Variants in PIP4K2A observed in about 807,000 individuals in gnomAD.
PIP4K2A encodes phosphatidylinositol 5-phosphate 4-kinase type-2 alpha.
PIP4K2A carries 14 observed loss-of-function variants against 42.9 expected under a neutral mutation model. The observed-to-expected ratio is 0.33, with a 90% confidence interval of 0.22 to 0.51. PIP4K2A has a LOEUF of 0.51. Among genes scored for constraint, PIP4K2A ranks in the 20% least tolerant of loss-of-function variants. The pLI, the probability that PIP4K2A is intolerant of heterozygous loss-of-function variation, is 0.97. For synonymous variants in PIP4K2A, 192 were observed against 192.2 expected, an observed-to-expected ratio of 1.00 and a Z score of 0.01; for missense variants, 434 against 519.8, an observed-to-expected ratio of 0.83 and a Z score of 1.61.
At chr10:22,603,540 T>A (rs1316040425) in intron 3 of PIP4K2A, among the ~76,000 whole-genome samples, 1 of 152,152 alleles carries the variant, frequency 6.6e-6, no homozygotes, top group Non-Finnish European at 1.5e-5. Flanking sequence ...CAAATCAAGA[T>A]GCTGGGTTTC....
intron 7 of PIP4K2A, among the ~76,000 whole-genome samples, chr10:22,544,130 C>T (rs1296160275): frequency 6.6e-6 from 1 of 152,156 alleles, no homozygotes; most frequent in Non-Finnish European, 1.5e-5. Flanking sequence ...ATCGGAGGCC[C>T]TCCACACATG....
At chr10:22,633,159 A>G (rs1261147144) in intron 1 of PIP4K2A, among the ~76,000 whole-genome samples, 1 of 152,246 alleles carries the variant, frequency 6.6e-6, no homozygotes, top group Non-Finnish European at 1.5e-5. Flanking sequence ...AGACCTTTGC[A>G]TGGCGCAGGG....
chr10:22,640,070 C>T (rs1466734374), intron 1 of PIP4K2A, among the ~76,000 whole-genome samples: 3 of 121,330 alleles, frequency 2.5e-5, no homozygotes, highest in South Asian at 5.6e-4. Flanking sequence ...AAAATCAAGA[C>T]ATCCCAAGCA....
intron 1 of PIP4K2A, among the ~76,000 whole-genome samples, chr10:22,668,480 T>C (rs557244708): frequency 2.0e-5 from 3 of 152,316 alleles, no homozygotes; most frequent in South Asian, 4.1e-4. Context: ...CTGGATCATA[T>C]TGAAATATCA....
chr10:22,610,244 C>T (rs1475838980), intron 1 of PIP4K2A, among the ~76,000 whole-genome samples: 1 of 152,156 alleles, frequency 6.6e-6, no homozygotes, highest in East Asian at 1.9e-4. Context: ...AGAAGAACCT[C>T]CATTCAGGGA....
intron 1 of PIP4K2A, among the ~76,000 whole-genome samples, chr10:22,669,111 A>G (rs1230818309): frequency 5.9e-5 from 9 of 152,214 alleles, no homozygotes; most frequent in Admixed American, 4.6e-4. Flanking sequence ...TGGCTCTGAA[A>G]TCCTTTGATA....
At chr10:22,584,243 A>G (rs180837534) in intron 4 of PIP4K2A, among the ~76,000 whole-genome samples, 29 of 152,318 alleles carry the variant, frequency 1.9e-4, no homozygotes, top group African/African-American at 6.5e-4. Flanking sequence ...ATAAATCAAG[A>G]AACTATCAGG....
chr10:22,647,910 A>G (rs1461799279), intron 1 of PIP4K2A, among the ~76,000 whole-genome samples: 1 of 152,266 alleles, frequency 6.6e-6, no homozygotes, highest in East Asian at 1.9e-4. Context: ...ATGTGTGAAA[A>G]GAAATAAGAT....
At position 22,546,011 on chromosome 10, in the gene PIP4K2A, G is replaced by C. The variant is rs535204866; in HGVS notation, c.793-3964C>G. Reference sequence around the variant, plus strand: ...CATGATTTCAAGTCTCTGAGACTGAGGTAGAAATGGGAAAAACCAAATATG... The same window carrying C: ...CATGATTTCAAGTCTCTGAGACTGACGTAGAAATGGGAAAAACCAAATATG... On this transcript the variant is annotated intron_variant, in intron 7 of 9. Transcript: ENST00000376573. 4.6e-5 allele frequency among the ~76,000 whole-genome samples: 7 copies of C among 152,278 alleles called. No homozygotes were observed. The South Asian group carries it at 1.0e-3, about 23-fold the overall frequency.
intron 1 of PIP4K2A, among the ~76,000 whole-genome samples, chr10:22,695,069 G>A (rs994483110): frequency 6.6e-6 from 1 of 152,150 alleles, no homozygotes; most frequent in Admixed American, 6.5e-5. Context: ...TATAGGACCA[G>A]ACCTTCAAAT....
chr10:22,607,834 T>C, intron 3 of PIP4K2A, 93 bp downstream of exon 3: 1 of 710,912 alleles, frequency 1.4e-6, no homozygotes, highest in Admixed American at 2.7e-5. Context: ...ATATAATACT[T>C]TTATTGACAA....
In PIP4K2A at chr10:22,645,054, T is replaced by C. The variant is rs148597662; in HGVS notation, c.145-35337A>G. 3.5e-3 allele frequency among the ~76,000 whole-genome samples: 530 copies of C among 152,324 alleles called. 3 individuals are homozygous for C. Among genetic ancestry groups the C allele is most frequent in the African/African-American group, 0.012 (510 of 41,568 alleles). ...CTAAAAGAGCAAAGAAATATTAAACTATCAGGTAGAACCAAATCACTATAA... is the reference window on the plus strand; with the variant it reads ...CTAAAAGAGCAAAGAAATATTAAACCATCAGGTAGAACCAAATCACTATAA... On this transcript the variant is annotated intron_variant, in intron 1 of 9. Coordinates refer to ENST00000376573, the MANE Select transcript of PIP4K2A (RefSeq NM_005028.5).
chr10:22,652,398 A>C (rs1839014724), intron 1 of PIP4K2A, among the ~76,000 whole-genome samples: 1 of 152,144 alleles, frequency 6.6e-6, no homozygotes, highest in African/African-American at 2.4e-5. Flanking sequence ...AGGGATTACA[A>C]GTGTGAGCCA....
intron 1 of PIP4K2A, among the ~76,000 whole-genome samples, chr10:22,701,628 C>T (rs1001576928): frequency 1.3e-5 from 2 of 152,206 alleles, no homozygotes; most frequent in African/African-American, 4.8e-5. Context: ...GTTGGATTCC[C>T]TCTTTTGAAA....
chr10:22,658,184 T>C (rs994479492), intron 1 of PIP4K2A, among the ~76,000 whole-genome samples: 3 of 152,246 alleles, frequency 2.0e-5, no homozygotes, highest in East Asian at 1.9e-4. Flanking sequence ...ACTTTGAATA[T>C]GTGGCATCAA....
chr10:22,609,389 C>G (rs747590004), intron 2 of PIP4K2A, among the ~76,000 whole-genome samples: 1 of 152,218 alleles, frequency 6.6e-6, no homozygotes, highest in Non-Finnish European at 1.5e-5. Context: ...ATATCACTTT[C>G]AACGTATAAG....
intron 1 of PIP4K2A, among the ~76,000 whole-genome samples, chr10:22,686,184 G>A (rs1248661945): frequency 6.6e-6 from 1 of 152,182 alleles, no homozygotes; most frequent in Non-Finnish European, 1.5e-5. Context: ...TCAGGAACAG[G>A]AAACTCATTA....
intron 1 of PIP4K2A, among the ~76,000 whole-genome samples, chr10:22,672,698 C>T (rs1003293713): frequency 8.5e-5 from 13 of 152,244 alleles, no homozygotes; most frequent in Admixed American, 3.9e-4. Flanking sequence ...GAAGCACAAA[C>T]GCCTGGACAA....
At chr10:22,549,315 T>C (rs1836337517) in intron 7 of PIP4K2A, among the ~76,000 whole-genome samples, 1 of 152,128 alleles carries the variant, frequency 6.6e-6, no homozygotes, top group South Asian at 2.1e-4. Flanking sequence ...TACAAATGTA[T>C]GACACTCATT....
Sources: gnomAD v4.1 joint callset for allele counts (sites outside exome capture counted in the v4.1 genomes callset) on GRCh38, gnomAD v4.1.1 for gene constraint, MANE v1.5 for transcripts, NCBI Gene and HGNC (gene_info 2026-07-23, HGNC 2026-07-21) for gene names.